Variants in ADSL observed in about 807,000 individuals in gnomAD.
The protein encoded by ADSL is adenylosuccinase.
Under a neutral mutation model 62.1 loss-of-function variants are expected in ADSL, and 44 were observed. That is an observed-to-expected ratio of 0.71 (90% confidence interval 0.56 to 0.91). The LOEUF is 0.91. Ranked by LOEUF, ADSL falls within the 40% of genes least tolerant of loss-of-function variation. ADSL has a pLI of 0.00. For missense variants in ADSL, 531 were observed against 627.4 expected, an observed-to-expected ratio of 0.85 and a Z score of 1.64; for synonymous variants, 198 against 220.5, an observed-to-expected ratio of 0.90 and a Z score of 0.90.
chr22:40,374,480 T>G (rs1222027003), intron 2 of ADSL, among the ~76,000 whole-genome samples: 3 of 152,240 alleles, frequency 2.0e-5, no homozygotes, highest in Admixed American at 6.5e-5. Flanking sequence ...AGCTACAATT[T>G]CTTCTTTGTA....
chr22:40,362,915 GAC>G, intron 9 of ADSL, 64 bp from the exon 10 acceptor site: 3 of 1,422,658 alleles, frequency 2.1e-6, no homozygotes, highest in African/African-American at 1.4e-5. Flanking sequence ...AACTTGTTGG[GAC>G]ACACACTGCA....
downstream of ADSL, chr22:40,370,823 C>A (rs907465727): frequency 2.0e-5 from 3 of 152,156 alleles, no homozygotes; most frequent in Non-Finnish European, 2.9e-5. Flanking sequence ...AGAGAAGCAC[C>A]GCCTCGGGCC....
intron 2 of ADSL, among the ~76,000 whole-genome samples, chr22:40,381,945 G>C (rs1328399252): frequency 6.6e-6 from 1 of 152,192 alleles, no homozygotes; most frequent in Non-Finnish European, 1.5e-5. Flanking sequence ...GGCAGACAAA[G>C]TCAGACGCTG....
intron 2 of ADSL, among the ~76,000 whole-genome samples, chr22:40,382,645 G>T (rs1315599820): frequency 1.3e-5 from 2 of 152,190 alleles, no homozygotes; most frequent in African/African-American, 4.8e-5. Context: ...AGTCACAGAG[G>T]TTTGCCTGGG....
intron 4 of ADSL, 134 bp downstream of exon 4, chr22:40,354,461 T>C (rs1601566460): frequency 1.8e-5 from 14 of 792,406 alleles, no homozygotes; most frequent in South Asian, 1.6e-4. Context: ...GGGATGCTTA[T>C]AAGGAATGAG....
intron 2 of ADSL, among the ~76,000 whole-genome samples, chr22:40,384,285 C>T (rs945080697): frequency 2.6e-5 from 4 of 151,980 alleles, no homozygotes; most frequent in Non-Finnish European, 1.5e-5. Flanking sequence ...CCAAAAATTA[C>T]CCTAAACCTT....
In ADSL at chr22:40,360,389, T is replaced by A; in HGVS notation, c.702-13T>A. ...AATATTTTAACCTAAGTCTCTCTTG[T>A]ACTTATTCCTAGAGCTTTCATCATC... On this transcript the variant is annotated splice_polypyrimidine_tract_variant and intron_variant, in intron 6 of 12. Transcript: ENST00000623063. 6.2e-7 allele frequency: 1 copy of A among 1,604,778 alleles called. No homozygotes were observed. Among genetic ancestry groups the A allele is most frequent in the South Asian group, 1.1e-5 (1 of 90,852 alleles).
intron 2 of ADSL, among the ~76,000 whole-genome samples, chr22:40,376,813 ATAGAG>A (rs746186749): frequency 6.6e-6 from 1 of 152,174 alleles, no homozygotes; most frequent in Non-Finnish European, 1.5e-5. Context: ...TAATCAAGAA[ATAGAG>A]TAGTTTTGAA....
chr22:40,348,778 A>T (rs553966618), intron 1 of ADSL: 83 of 393,388 alleles, frequency 2.1e-4, no homozygotes, highest in African/African-American at 1.6e-3. Context: ...CTAAGATGCA[A>T]GATCCTTCCC....
At chr22:40,360,143 G>T (rs368133778) in intron 6 of ADSL, among the ~76,000 whole-genome samples, 1 of 152,170 alleles carries the variant, frequency 6.6e-6, no homozygotes, top group Non-Finnish European at 1.5e-5. Flanking sequence ...TACCACTCAG[G>T]TCCACTGGTT....
rs554897447 is a variant in ADSL, at chr22:40,364,739, T to C, written c.1192-141T>C. On this transcript the variant is annotated intron_variant, in intron 11 of 12. Coordinates refer to ENST00000623063, the MANE Select transcript of ADSL (RefSeq NM_000026.4). ...AGAGTTGAGAAGACCCTGGTACAGA[T>C]AGACACAGGAACCACCTCAGCCTAG... 20 of 864,330 alleles carry C rather than the reference T, an allele frequency of 2.3e-5. No homozygotes were observed. In the African/African-American group the frequency reaches 2.3e-4, roughly 10 times the overall value. 53.5% of individuals were successfully genotyped at this position (864,330 alleles called of 1,614,324 possible).
At chr22:40,372,118 C>CG (rs932395738), downstream of ADSL, among the ~76,000 whole-genome samples, 1 of 120,694 alleles carries the variant, frequency 8.3e-6, no homozygotes, top group African/African-American at 3.3e-5. Context: ...CCTGTCCCCC[C>CG]CCCCTTTTTT....
intron 1 of ADSL, among the ~76,000 whole-genome samples, chr22:40,347,715 C>T (rs920982092): frequency 6.6e-6 from 1 of 152,194 alleles, no homozygotes; most frequent in East Asian, 1.9e-4. Flanking sequence ...CCTTCTGAGA[C>T]CCAGGTCTTA....
At chr22:40,376,080 G>T (rs2046507658) in intron 2 of ADSL, among the ~76,000 whole-genome samples, 1 of 143,610 alleles carries the variant, frequency 7.0e-6, no homozygotes, top group African/African-American at 2.5e-5. Context: ...AGATATGAAA[G>T]AACAGATCAT....
chr22:40,359,145 T>C (rs899842356), intron 5 of ADSL, 110 bp downstream of exon 5: 5 of 1,589,092 alleles, frequency 3.1e-6, no homozygotes, highest in African/African-American at 1.3e-5. Flanking sequence ...GTGGGGTCTT[T>C]CGACTAGAAG....
rs988436942 is a variant in ADSL at position 40,368,703 on chromosome 22, G to A, written c.*2181G>A. ...ACACTTTGGGAGGCCGAGGCAGGTG[G>A]ATCACCTGAGGTCAGGAGTTCGAGA... On this transcript the variant is annotated 3_prime_UTR_variant, in exon 13 of 13. Coordinates refer to ENST00000623063, the MANE Select transcript of ADSL (RefSeq NM_000026.4). The A allele has an allele frequency of 7.2e-5, 11 of 152,340 alleles. No homozygotes were observed. The highest frequency in any genetic ancestry group is 2.6e-4 in the African/African-American group (11 of 41,550). The allele number at this position is 152,340 out of a possible 1,614,324, so 9.4% of individuals were successfully genotyped here. A position where few individuals can be genotyped will look rare whatever the true frequency, so the allele number is the denominator to read the frequency against.
chr22:40,370,290 G>C (rs2045173203), downstream of ADSL, among the ~76,000 whole-genome samples: 1 of 151,296 alleles, frequency 6.6e-6, no homozygotes, highest in African/African-American at 2.4e-5. Context: ...GGGAGGTGGA[G>C]GTTGCAGTGA....
intron 4 of ADSL, among the ~76,000 whole-genome samples, chr22:40,354,843 T>G (rs886083512): frequency 6.7e-6 from 1 of 149,290 alleles, no homozygotes; most frequent in Non-Finnish European, 1.5e-5. Flanking sequence ...CATTCCAGTT[T>G]GGGTGACAGA....
chr22:40,360,600 A>G (rs2044746231), intron 7 of ADSL, 108 bp downstream of exon 7: 1 of 776,364 alleles, frequency 1.3e-6, no homozygotes, highest in Non-Finnish European at 2.2e-6. Flanking sequence ...AATATTTTAC[A>G]TTAGTTTTAA....
Sources: gnomAD v4.1 joint callset for allele counts (sites outside exome capture counted in the v4.1 genomes callset) on GRCh38, gnomAD v4.1.1 for gene constraint, MANE v1.5 for transcripts, NCBI Gene and HGNC (gene_info 2026-07-23, HGNC 2026-07-21) for gene names.